The following ARPC1A variants were observed in gnomAD, a reference collection of about 807,000 sequenced individuals.
ARPC1A encodes actin related protein 2/3 complex subunit 1A, also known as actin-related protein 2/3 complex subunit 1A.
A neutral mutation model predicts 46.9 loss-of-function variants in ARPC1A; 8 were observed. The ratio of observed to expected loss-of-function variants is 0.17; its 90% CI spans 0.10 to 0.31. The LOEUF is 0.31. Among genes scored for constraint, ARPC1A ranks in the 10% least tolerant of loss-of-function variants. The pLI is 1.00. For missense variants in ARPC1A, 286 were observed against 483.6 expected, an observed-to-expected ratio of 0.59 and a Z score of 3.83; for synonymous variants, 152 against 169.0, an observed-to-expected ratio of 0.90 and a Z score of 0.78.
chr7:99,363,651 G>C lies in ARPC1A; in HGVS notation c.1074+18G>C. On this transcript the variant is annotated intron_variant, in intron 9 of 9. Transcript: ENST00000262942. ...ATTTCAAGGTATTTTCTACCTAACA[G>C]AACAAATTTTGTTTGTGTTAAAACT... The C allele has an allele frequency of 6.6e-7, 1 of 1,513,906 alleles. No homozygotes were observed. The highest frequency in any genetic ancestry group is 9.0e-7 in the Non-Finnish European group (1 of 1,113,148). 93.8% of individuals were successfully genotyped at this position (1,513,906 alleles called of 1,614,324 possible).
chr7:99,350,631 CTTTTTTTTTTTTTTTTT>C (rs540737612), intron 5 of ARPC1A, among the ~76,000 whole-genome samples: 31 of 67,568 alleles, frequency 4.6e-4, no homozygotes, highest in African/African-American at 1.2e-3. Flanking sequence ...ATGAGGTGCA[CTTTTTTTTTTTTTTTTT>C]TTTTTTTTTT....
At chr7:99,360,062 C>A in intron 8 of ARPC1A, 1 of 397,068 alleles carries the variant, frequency 2.5e-6, no homozygotes, top group Non-Finnish European at 4.7e-6. Context: ...CCTTTCTCAG[C>A]TACTCGAGAA....
chr7:99,336,058 C>A (rs986914600), intron 2 of ARPC1A, among the ~76,000 whole-genome samples: 1 of 152,146 alleles, frequency 6.6e-6, no homozygotes, highest in African/African-American at 2.4e-5. Flanking sequence ...CACAGAGCTT[C>A]ATAGCCAACT....
At chr7:99,351,800 G>A (rs1340037510) in intron 5 of ARPC1A, among the ~76,000 whole-genome samples, 3 of 152,152 alleles carry the variant, frequency 2.0e-5, no homozygotes, top group African/African-American at 4.8e-5. Flanking sequence ...AGAGAAGAAG[G>A]TGTACAAAGT....
In ARPC1A at chr7:99,366,159, T is replaced by G. The variant is rs14431; in HGVS notation, c.*230T>G. 2.1e-5 allele frequency: 11 copies of G among 536,342 alleles called. No homozygotes were observed. The highest frequency in any genetic ancestry group is 3.6e-5 in the Non-Finnish European group (11 of 303,464). 33.2% of individuals were successfully genotyped at this position (536,342 alleles called of 1,614,324 possible). On this transcript the variant is annotated 3_prime_UTR_variant, in exon 10 of 10. Coordinates refer to ENST00000262942, the MANE Select transcript of ARPC1A (RefSeq NM_006409.4). The stretch of plus-strand genomic sequence containing the variant: ...ATTCCATTCTTGACCAAAGCTTCTC[T>G]TTAAGTAGTTTATTATGGAAAATTG...
chr7:99,337,403 G>A lies in ARPC1A; in HGVS notation c.65-778G>A, dbSNP rs1225689839. On this transcript the variant is annotated intron_variant, in intron 2 of 9. Transcript: ENST00000262942. ...GCCATTGCACTCCAGCCTGGGCAAC[G>A]AGAGCAAAACACTATCTCAAAAAAG... is the stretch of plus-strand genomic sequence containing the variant. Among the ~76,000 whole-genome samples the A allele has an allele frequency of 3.3e-5, 5 of 152,042 alleles. No individual in the cohort carries two copies. In the South Asian group the frequency reaches 6.2e-4, roughly 19 times the overall value.
At chr7:99,344,243 G>A in intron 3 of ARPC1A, 50 bp from the exon 4 acceptor site, 1 of 1,587,794 alleles carries the variant, frequency 6.3e-7, no homozygotes, top group Non-Finnish European at 8.6e-7. Context: ...CTGTGCCGCA[G>A]TTGTTTGTCA....
chr7:99,340,497 G>A (rs1256642219), intron 3 of ARPC1A, among the ~76,000 whole-genome samples: 1 of 151,998 alleles, frequency 6.6e-6, no homozygotes, highest in African/African-American at 2.4e-5. Flanking sequence ...CAGTCACCCA[G>A]GCTAGAAGGA....
chr7:99,343,099 TAG>T (rs34378114), intron 3 of ARPC1A, among the ~76,000 whole-genome samples: 19 of 152,146 alleles, frequency 1.2e-4, no homozygotes, highest in Admixed American at 7.9e-4. Context: ...TATTAATTTT[TAG>T]AGAGAGATCT....
chr7:99,334,158 C>T (rs1476276734), intron 2 of ARPC1A, among the ~76,000 whole-genome samples: 1 of 150,992 alleles, frequency 6.6e-6, no homozygotes, highest in Non-Finnish European at 1.5e-5. Flanking sequence ...GTCAGGAGTT[C>T]GAGATCAGCC....
chr7:99,352,196 A>G (rs1385412782), intron 5 of ARPC1A, among the ~76,000 whole-genome samples: 1 of 152,222 alleles, frequency 6.6e-6, no homozygotes, highest in Non-Finnish European at 1.5e-5. Context: ...TAAGGTAGAC[A>G]GGAAAGAATG....
intron 8 of ARPC1A, among the ~76,000 whole-genome samples, chr7:99,362,703 T>G (rs1793766997): frequency 6.6e-6 from 1 of 151,816 alleles, no homozygotes; most frequent in African/African-American, 2.4e-5. Context: ...GTGTGTGCCA[T>G]AGTTTGCCAT....
At chr7:99,340,575 T>G (rs975890798) in intron 3 of ARPC1A, among the ~76,000 whole-genome samples, 3 of 152,178 alleles carry the variant, frequency 2.0e-5, no homozygotes, top group Non-Finnish European at 4.4e-5. Context: ...CCCCAGGAGC[T>G]GGTACTAAAG....
At chr7:99,359,913 G>A (rs909694015) in intron 8 of ARPC1A, 175 bp downstream of exon 8, 35 of 762,772 alleles carry the variant, frequency 4.6e-5, no homozygotes, top group Middle Eastern at 7.5e-4. Flanking sequence ...TTTCCAGCTC[G>A]TGGTAGGGAG....
intron 3 of ARPC1A, among the ~76,000 whole-genome samples, chr7:99,343,374 G>A (rs1793387355): frequency 6.6e-6 from 1 of 151,972 alleles, no homozygotes; most frequent in African/African-American, 2.4e-5. Context: ...GCTGAGGCAG[G>A]AGAATCGCTT....
Position 99,366,010 on chromosome 7 carries a change from GC to G in ARPC1A, c.*85del. On this transcript the variant is annotated 3_prime_UTR_variant, in exon 10 of 10. Coordinates refer to ENST00000262942, the MANE Select transcript of ARPC1A (RefSeq NM_006409.4). ...CCGTGGCACGATGGCGAGGAAGCCA[GC>G]CCCAAGGAAACACTGAAAACACATA... 6.8e-7 allele frequency: 1 copy of G among 1,476,858 alleles called. No homozygotes were observed. The allele number at this position is 1,476,858 out of a possible 1,614,324, so 91.5% of individuals were successfully genotyped here.
chr7:99,358,385 A>G lies in ARPC1A; in HGVS notation c.759A>G (p.Ser253=). The change falls in exon 7 of 10, where the codon TCA becomes TCG. Residue 253 remains serine (S), a synonymous_variant. Transcript: ENST00000262942. ...AGTTCCTGCCGCTCCTAAGTGTGTC[A>G]TTTGTCTCAGAGAACAGCGTCGTGG... is the stretch of plus-strand genomic sequence containing the variant. ...KTEFLPLLSV[S]FVSENSVVAA... 7.4e-6 allele frequency: 12 copies of G among 1,614,026 alleles called. No individual in the cohort carries two copies. Among genetic ancestry groups the G allele is most frequent in the Non-Finnish European group, 1.0e-5 (12 of 1,180,008 alleles).
chr7:99,347,483 TC>T (rs1156501415), intron 4 of ARPC1A, among the ~76,000 whole-genome samples: 1 of 152,082 alleles, frequency 6.6e-6, no homozygotes, highest in African/African-American at 2.4e-5. Flanking sequence ...GGCAGGCAGA[TC>T]ACCTGAGACC....
intron 1 of ARPC1A, among the ~76,000 whole-genome samples, chr7:99,331,627 G>A (rs1340637766): frequency 6.6e-6 from 1 of 151,820 alleles, no homozygotes. Flanking sequence ...TTTTTAAAAT[G>A]TGGATTATGG....
Sources: allele counts gnomAD v4.1 joint callset (sites outside exome capture counted in the v4.1 genomes callset), GRCh38; gene constraint gnomAD v4.1.1; transcripts MANE v1.5; gene names NCBI Gene and HGNC (gene_info 2026-07-23, HGNC 2026-07-21).